STAB2: variants seen among roughly 807,000 people sequenced by gnomAD.
STAB2 encodes the protein stabilin 2.
Under a neutral mutation model 338.1 loss-of-function variants are expected in STAB2, and 288 were observed. The observed-to-expected ratio is 0.85, with a 90% CI of 0.77 to 0.94. STAB2 has a LOEUF of 0.94. Among genes scored for constraint, STAB2 ranks in the 40% least tolerant of loss-of-function variants. The pLI, the probability that STAB2 is intolerant of heterozygous loss-of-function variation, is 0.00. For synonymous variants in STAB2, 1,202 were observed against 1,193.3 expected, an observed-to-expected ratio of 1.01 and a Z score of -0.15; for missense variants, 3,141 against 3,210.1, an observed-to-expected ratio of 0.98 and a Z score of 0.52.
At chr12:103,707,060 C>T (rs1879434196) in intron 38 of STAB2, 73 bp downstream of exon 38, 1 of 1,522,764 alleles carries the variant, frequency 6.6e-7, no homozygotes, top group African/African-American at 1.4e-5. Context: ...AAAGAGTGAT[C>T]CCACACGTGC....
In STAB2 at chr12:103,706,229, G is replaced by A. The variant is rs191315840; in HGVS notation, c.3996+502G>A. On this transcript the variant is annotated intron_variant, in intron 37 of 68. Transcript: ENST00000388887. ...AGCTGGGCAGAGGTGGGGTGATCTG[G>A]CCCTTAGGCTGCAGAGCATAGGGGT... Among the ~76,000 whole-genome samples, 24 of 152,220 alleles carry A rather than the reference G, an allele frequency of 1.6e-4. No homozygotes were observed. In the East Asian group the frequency reaches 4.3e-3, roughly 27 times the overall value.
At position 103,748,584 on chromosome 12, in the gene STAB2, CCACACACACACACACACACATACACA is replaced by C. The variant is rs1310439352; in HGVS notation, c.6245-358_6245-333del. On this transcript the variant is annotated intron_variant, in intron 58 of 68. Transcript: ENST00000388887. ...TGCTCAATATTGTACTAACTCTACA[CCACACACACACACACACACATACACA>C]CACACACACACACACACACACACAC... is the stretch of plus-strand genomic sequence containing the variant. Among the ~76,000 whole-genome samples, 569 of 141,952 alleles carry C rather than the reference CCACACACACACACACACACATACACA, an allele frequency of 4.0e-3. 5 individuals carry two copies. Among genetic ancestry groups the C allele is most frequent in the South Asian group, 0.017 (72 of 4,298 alleles). The allele number at this position is 141,952 out of a possible 152,430, so 93.1% of individuals were successfully genotyped here.
At chr12:103,611,329 C>G (rs1347444881) in intron 3 of STAB2, among the ~76,000 whole-genome samples, 1 of 152,168 alleles carries the variant, frequency 6.6e-6, no homozygotes, top group Non-Finnish European at 1.5e-5. Flanking sequence ...GTCTGAGTCT[C>G]TTTGTAGGTC....
At chr12:103,760,075 G>A (rs1009211800) in intron 65 of STAB2, among the ~76,000 whole-genome samples, 1 of 152,134 alleles carries the variant, frequency 6.6e-6, no homozygotes. Context: ...GATCCATTTC[G>A]TCATCTACTC....
chr12:103,756,326 C>G (rs1366184094), intron 63 of STAB2, among the ~76,000 whole-genome samples: 2 of 152,184 alleles, frequency 1.3e-5, no homozygotes, highest in Non-Finnish European at 2.9e-5. Context: ...ATGACAACAA[C>G]AGTAATAACA....
intron 6 of STAB2, 70 bp from the exon 7 acceptor site, chr12:103,637,041 A>G (rs1957557959): frequency 7.0e-7 from 1 of 1,438,702 alleles, no homozygotes; most frequent in Non-Finnish European, 9.3e-7. Flanking sequence ...AAAAGGGAAT[A>G]CTGCAGTTTG....
intron 2 of STAB2, among the ~76,000 whole-genome samples, chr12:103,591,543 G>T (rs1956798193): frequency 6.6e-6 from 1 of 152,114 alleles, no homozygotes; most frequent in Non-Finnish European, 1.5e-5. Flanking sequence ...GACTTATTTT[G>T]TATTGCACAT....
chr12:103,700,378 G>C (rs920102514), intron 34 of STAB2, among the ~76,000 whole-genome samples: 7 of 152,136 alleles, frequency 4.6e-5, no homozygotes, highest in African/African-American at 1.7e-4. Flanking sequence ...TTTCTAAAAA[G>C]TATAATTTTA....
In STAB2 at chr12:103,590,993, A is replaced by G. The variant is rs1430760749; in HGVS notation, c.178A>G (p.Met60Val). 1.2e-6 allele frequency: 2 copies of G among 1,614,134 alleles called. No homozygotes were observed. Among genetic ancestry groups the G allele is most frequent in the Non-Finnish European group, 1.7e-6 (2 of 1,180,020 alleles). Residue 60 changes from methionine to valine, a missense_variant, in exon 2 of 69, where the codon ATG becomes GTG. Transcript: ENST00000388887. ...LGVKCPDGYT[M>V]ITSGSVGVRD... ...AGTCAAGTGCCCGGATGGTTACACC[A>G]TGATTACCAGTGGCTCTGTAGGGGT... is the stretch of plus-strand genomic sequence containing the variant.
chr12:103,684,935 T>A, intron 26 of STAB2, 54 bp from the exon 27 acceptor site: 1 of 1,566,732 alleles, frequency 6.4e-7, no homozygotes, highest in Non-Finnish European at 8.8e-7. Context: ...TAGATGTAAC[T>A]CAGGTCTAAC....
At chr12:103,643,896 G>C (rs1250013196) in intron 9 of STAB2, among the ~76,000 whole-genome samples, 1 of 130,990 alleles carries the variant, frequency 7.6e-6, no homozygotes, top group African/African-American at 2.9e-5. Context: ...CTGCCCGGCC[G>C]CCCCTACTGG....
chr12:103,648,172 G>A (rs1873469801), intron 9 of STAB2, among the ~76,000 whole-genome samples: 1 of 152,198 alleles, frequency 6.6e-6, no homozygotes, highest in South Asian at 2.1e-4. Context: ...GACACAGTGA[G>A]GGAGTGGAGA....
intron 45 of STAB2, 42 bp downstream of exon 45, chr12:103,725,136 T>TA (rs773427225): frequency 6.3e-7 from 1 of 1,588,992 alleles, no homozygotes; most frequent in Non-Finnish European, 8.6e-7. Flanking sequence ...TCTACTTCCC[T>TA]AAAAATGCCA....
chr12:103,717,676 T>G (rs1019190577), intron 43 of STAB2, 94 bp from the exon 44 acceptor site: 4 of 986,896 alleles, frequency 4.1e-6, no homozygotes, highest in Non-Finnish European at 6.4e-6. Context: ...AACATTACCA[T>G]GACCATGATG....
intron 47 of STAB2, 68 bp from the exon 48 acceptor site, chr12:103,728,781 G>A (rs915547716): frequency 6.3e-7 from 1 of 1,592,486 alleles, no homozygotes; most frequent in Non-Finnish European, 8.6e-7. Context: ...GAGGACAGGA[G>A]AGCCAAATGG....
intron 15 of STAB2, among the ~76,000 whole-genome samples, chr12:103,657,040 C>T (rs537048205): frequency 1.3e-5 from 2 of 152,054 alleles, no homozygotes; most frequent in Non-Finnish European, 2.9e-5. Flanking sequence ...TCTTACATTG[C>T]AAACAGATGT....
chr12:103,630,427 G>A (rs1281919478), intron 5 of STAB2, among the ~76,000 whole-genome samples: 2 of 152,164 alleles, frequency 1.3e-5, no homozygotes, highest in African/African-American at 2.4e-5. Flanking sequence ...GTTGGCTTAC[G>A]TGCACCGAAG....
intron 2 of STAB2, among the ~76,000 whole-genome samples, chr12:103,591,812 A>G (rs1404473526): frequency 2.6e-5 from 4 of 152,230 alleles, no homozygotes; most frequent in Non-Finnish European, 5.9e-5. Flanking sequence ...GCAAAGGATG[A>G]CAAGTGGTTC....
At chr12:103,671,768 A>T (rs188880235) in intron 22 of STAB2, among the ~76,000 whole-genome samples, 1 of 152,376 alleles carries the variant, frequency 6.6e-6, no homozygotes, top group Admixed American at 6.5e-5. Flanking sequence ...TAGAACATGT[A>T]GAAAGTTCCA....
Sources: allele counts gnomAD v4.1 joint callset (sites outside exome capture counted in the v4.1 genomes callset), GRCh38; gene constraint gnomAD v4.1.1; transcripts MANE v1.5; gene names NCBI Gene and HGNC (gene_info 2026-07-23, HGNC 2026-07-21).